Variants in KLRG2 observed in about 807,000 individuals in gnomAD.
KLRG2 encodes killer cell lectin like receptor G2, also known as killer cell lectin-like receptor subfamily G member 2.
In KLRG2, 39 loss-of-function variants were observed where a neutral mutation model predicts 35.4. That is an observed-to-expected ratio of 1.10 (90% CI 0.85 to 1.44). KLRG2 has a LOEUF of 1.44. KLRG2 is among the 40% of genes most tolerant of loss of function. The pLI is 0.00. For missense variants in KLRG2, 632 were observed against 570.9 expected, an observed-to-expected ratio of 1.11 and a Z score of -1.09; for synonymous variants, 283 against 265.8, an observed-to-expected ratio of 1.06 and a Z score of -0.63.
At chr7:139,450,880 C>T (rs1395508324), downstream of KLRG2, among the ~76,000 whole-genome samples, 1 of 152,168 alleles carries the variant, frequency 6.6e-6, no homozygotes, top group Non-Finnish European at 1.5e-5. Context: ...GCCCATGTGA[C>T]ACTGGGTGAC....
chr7:139,442,839 A>C, the KLRG2 span, among the ~76,000 whole-genome samples: 1 of 152,168 alleles, frequency 6.6e-6, no homozygotes, highest in African/African-American at 2.4e-5. Flanking sequence ...AAAACAAAAC[A>C]AAAGCTATCA....
chr7:139,466,307 G>C (rs1022592839), intron 3 of KLRG2, among the ~76,000 whole-genome samples: 2 of 152,128 alleles, frequency 1.3e-5, no homozygotes, highest in African/African-American at 4.8e-5. Context: ...GAAGGCCACC[G>C]CGGTCATTTC....
Position 139,483,604 on chromosome 7 carries a change from G to C in KLRG2, c.39C>G (p.Ala13=), listed in dbSNP as rs905502222. ...CGGGCTCCATTGGGAGCTCTGCCCC[G>C]GCTTGGCCTCCGGGCGCAGCCTCCC... ...ESWEAAPGGQ[A]GAELPMEPVG... is the part of the protein sequence containing the mutation. The change falls in exon 1 of 5, where the codon GCC becomes GCG. Residue 13 remains alanine, a synonymous_variant. Coordinates refer to ENST00000340940, the MANE Select transcript of KLRG2 (RefSeq NM_198508.4). 1.9e-6 allele frequency: 3 copies of C among 1,586,152 alleles called. No individual in the cohort carries two copies. The Admixed American group carries it at 5.2e-5, about 27-fold the overall frequency.
At chr7:139,449,139 C>G (rs1487796707), downstream of KLRG2, among the ~76,000 whole-genome samples, 2 of 150,278 alleles carry the variant, frequency 1.3e-5, no homozygotes, top group Admixed American at 6.7e-5. Context: ...TGGTGGCTCA[C>G]GCCTGTAATC....
At chr7:139,481,952 A>G (rs1490219986) in intron 1 of KLRG2, among the ~76,000 whole-genome samples, 1 of 152,108 alleles carries the variant, frequency 6.6e-6, no homozygotes, top group African/African-American at 2.4e-5. Flanking sequence ...AGAAAAAAGA[A>G]AAAAAGAAAA....
chr7:139,455,321 A>ATTT, intron 3 of KLRG2, among the ~76,000 whole-genome samples: 1 of 122,610 alleles, frequency 8.2e-6, no homozygotes, highest in South Asian at 2.6e-4. Context: ...CCCGGCCAAG[A>ATTT]TTTTTTTTTT....
intron 3 of KLRG2, among the ~76,000 whole-genome samples, chr7:139,471,780 G>C: frequency 6.6e-6 from 1 of 152,250 alleles, no homozygotes; most frequent in South Asian, 2.1e-4. Flanking sequence ...CAGCTGGCAG[G>C]ACAGGCCCAG....
At chr7:139,466,767 G>T (rs1436233113) in intron 3 of KLRG2, among the ~76,000 whole-genome samples, 1 of 126,110 alleles carries the variant, frequency 7.9e-6, no homozygotes, top group Non-Finnish European at 1.6e-5. Context: ...AAAAAGGGGG[G>T]GGTACTCTGT....
intron 1 of KLRG2, 67 bp downstream of exon 1, chr7:139,482,819 G>A: frequency 7.6e-7 from 1 of 1,320,808 alleles, no homozygotes; most frequent in Non-Finnish European, 9.7e-7. Context: ...GGCTGGGCGG[G>A]TGTGGGGGTT....
chr7:139,456,707 G>C (rs1796482217), intron 3 of KLRG2, among the ~76,000 whole-genome samples: 1 of 152,154 alleles, frequency 6.6e-6, no homozygotes, highest in Non-Finnish European at 1.5e-5. Flanking sequence ...GGCTGGCCTT[G>C]AACCTCTGGG....
chr7:139,470,329 A>T (rs940245030), intron 3 of KLRG2, among the ~76,000 whole-genome samples: 1 of 152,106 alleles, frequency 6.6e-6, no homozygotes, highest in Non-Finnish European at 1.5e-5. Context: ...AATTGCTGGG[A>T]TTACAGGCAT....
the KLRG2 span, among the ~76,000 whole-genome samples, chr7:139,447,434 T>C: frequency 1.3e-5 from 2 of 148,842 alleles, no homozygotes; most frequent in Non-Finnish European, 3.0e-5. Flanking sequence ...AGAGTCTCGC[T>C]CTGTCACCCA....
At chr7:139,450,288 A>G (rs1289305281), downstream of KLRG2, among the ~76,000 whole-genome samples, 2 of 151,192 alleles carry the variant, frequency 1.3e-5, no homozygotes, top group African/African-American at 2.4e-5. Context: ...CAGTGGCGCG[A>G]TCTCGGCTCA....
In KLRG2 at chr7:139,483,488, C is replaced by T. The variant is rs1342222347; in HGVS notation, c.155G>A (p.Gly52Glu). 4 of 1,596,788 alleles carry T rather than the reference C, an allele frequency of 2.5e-6. 1 individual carries two copies. The highest frequency in any genetic ancestry group is 2.2e-5 in the South Asian group (2 of 90,274). Residue 52 changes from glycine to glutamate, a missense_variant, in exon 1 of 5, where the codon GGG (glycine) becomes GAG (glutamate). Physicochemically the swap from Gly to Glu is moderately conservative, Grantham distance 98. Transcript: ENST00000340940. ...EGPESSPSPAGAVEKAAGAGL... is the reference protein window; with the variant it reads ...EGPESSPSPAEAVEKAAGAGL... ...TGCGCCCGCCGCCTTCTCCACGGCCCCGGCCGGACTTGGGCTGCTTTCGGG... is the reference window on the plus strand; with the variant it reads ...TGCGCCCGCCGCCTTCTCCACGGCCTCGGCCGGACTTGGGCTGCTTTCGGG...
At chr7:139,428,644 C>CA in the KLRG2 span, among the ~76,000 whole-genome samples, 1 of 121,654 alleles carries the variant, frequency 8.2e-6, no homozygotes, top group African/African-American at 5.6e-5. Flanking sequence ...GGTAATGAAA[C>CA]ACAAAGGAGA....
chr7:139,482,903 C>T lies in KLRG2; in HGVS notation c.740G>A (p.Arg247Gln), dbSNP rs1569417818. Reference protein sequence around the residue: ...AGLDGDEKLPRAVTLTGLPMY... With the variant: ...AGLDGDEKLPQAVTLTGLPMY... The stretch of plus-strand genomic sequence containing the variant: ...GCACTCACCCGTAAGCGTTACGGCC[C>T]GGGGCAGCTTCTCGTCGCCGTCCAA... Residue 247 changes from arginine (R) to glutamine (Q), a missense_variant, in exon 1 of 5, where the codon CGG (arginine) becomes CAG (glutamine). Arg to Gln is a conservative substitution (Grantham distance 43). Transcript: ENST00000340940. 1.3e-6 allele frequency: 2 copies of T among 1,489,976 alleles called. No homozygotes were observed. Among genetic ancestry groups the T allele is most frequent in the African/African-American group, 1.5e-5 (1 of 68,922 alleles). The allele number at this position is 1,489,976 out of a possible 1,614,324, so 92.3% of individuals were successfully genotyped here. A position where few individuals can be genotyped will look rare whatever the true frequency, so the allele number is the denominator to read the frequency against.
At chr7:139,440,738 C>T in the KLRG2 span, among the ~76,000 whole-genome samples, 93 of 152,272 alleles carry the variant, frequency 6.1e-4, no homozygotes, top group African/African-American at 2.1e-3. Flanking sequence ...GCTTGCACCA[C>T]AGTGCCTGGC....
At chr7:139,459,277 C>T (rs1214578989) in intron 3 of KLRG2, among the ~76,000 whole-genome samples, 1 of 152,172 alleles carries the variant, frequency 6.6e-6, no homozygotes, top group African/African-American at 2.4e-5. Context: ...TTACTGGCTT[C>T]CTGTTGGCAT....
At chr7:139,459,463 T>TTTGGCC (rs1468795995) in intron 3 of KLRG2, among the ~76,000 whole-genome samples, 1 of 152,220 alleles carries the variant, frequency 6.6e-6, no homozygotes, top group Admixed American at 6.5e-5. Flanking sequence ...TGGTCCCACC[T>TTTGGCC]ACATTCCTAC....
Sources: allele counts gnomAD v4.1 joint callset (sites outside exome capture counted in the v4.1 genomes callset), GRCh38; gene constraint gnomAD v4.1.1; transcripts MANE v1.5; gene names NCBI Gene and HGNC (gene_info 2026-07-23, HGNC 2026-07-21).